The following NEDD9 variants were observed in gnomAD, a reference collection of about 807,000 sequenced individuals.
The protein encoded by NEDD9 is neural precursor cell expressed, developmentally down-regulated 9.
Under a neutral mutation model 76.6 loss-of-function variants are expected in NEDD9, and 26 were observed. The ratio of observed to expected loss-of-function variants is 0.34; its 90% CI spans 0.25 to 0.47. The LOEUF is 0.47. NEDD9 is among the 20% of genes least tolerant of loss of function. The pLI, the probability that NEDD9 is intolerant of heterozygous loss-of-function variation, is 1.00. For missense variants in NEDD9, 937 were observed against 1,058.5 expected (o/e 0.89, Z 1.59); for synonymous variants, 392 against 414.2 (o/e 0.95, Z 0.65).
intron 3 of NEDD9, among the ~76,000 whole-genome samples, chr6:11,295,051 C>T (rs565982128): frequency 7.9e-5 from 12 of 152,330 alleles, no homozygotes; most frequent in African/African-American, 2.2e-4. Context: ...TTGCCTTCTG[C>T]ATTGACTGTG....
intron 1 of NEDD9, among the ~76,000 whole-genome samples, chr6:11,348,429 A>G (rs1762403810): frequency 6.6e-6 from 1 of 152,252 alleles, no homozygotes; most frequent in Admixed American, 6.5e-5. Flanking sequence ...AGAAAAAACT[A>G]TTTAAAAATT....
intron 1 of NEDD9, among the ~76,000 whole-genome samples, chr6:11,363,962 T>C (rs965105185): frequency 6.6e-6 from 1 of 152,228 alleles, no homozygotes; most frequent in African/African-American, 2.4e-5. Context: ...ATAGCAGGTC[T>C]GAGACTGCTG....
chr6:11,295,458 C>G (rs571956803), intron 3 of NEDD9, among the ~76,000 whole-genome samples: 14 of 152,296 alleles, frequency 9.2e-5, no homozygotes, highest in African/African-American at 3.4e-4. Flanking sequence ...ACACTGGGGT[C>G]CATGACCTGA....
chr6:11,220,524 G>T (rs1561794282), intron 1 of NEDD9, among the ~76,000 whole-genome samples: 1 of 152,178 alleles, frequency 6.6e-6, no homozygotes, highest in East Asian at 1.9e-4. Context: ...ATGTGCTGTG[G>T]GGCAGCGCCC....
At chr6:11,380,445 C>T (rs1481668865) in intron 1 of NEDD9, among the ~76,000 whole-genome samples, 1 of 152,254 alleles carries the variant, frequency 6.6e-6, no homozygotes, top group Non-Finnish European at 1.5e-5. Context: ...GGAATATTTA[C>T]AGCCTTTGAG....
intron 3 of NEDD9, among the ~76,000 whole-genome samples, chr6:11,246,619 T>G (rs1024689829): frequency 4.6e-5 from 7 of 152,174 alleles, no homozygotes; most frequent in African/African-American, 7.2e-5. Flanking sequence ...TGTGGACTGA[T>G]TTTGCTCCTG....
intron 2 of NEDD9, among the ~76,000 whole-genome samples, chr6:11,325,771 G>A (rs1401302806): frequency 6.6e-6 from 1 of 152,150 alleles, no homozygotes; most frequent in Non-Finnish European, 1.5e-5. Flanking sequence ...ACCTTTTAAT[G>A]AAACAGTAAA....
intron 6 of NEDD9, among the ~76,000 whole-genome samples, chr6:11,186,048 G>A (rs1344602825): frequency 6.6e-6 from 1 of 152,084 alleles, no homozygotes; most frequent in East Asian, 1.9e-4. Flanking sequence ...TTAATGTTGA[G>A]GGGTGGCAAG....
intron 2 of NEDD9, among the ~76,000 whole-genome samples, chr6:11,319,483 C>A (rs901890810): frequency 4.6e-5 from 7 of 150,772 alleles, no homozygotes; most frequent in African/African-American, 1.7e-4. Context: ...CACTAACAAG[C>A]AAATAATCAC....
intron 2 of NEDD9, among the ~76,000 whole-genome samples, chr6:11,333,572 G>C (rs908477211): frequency 6.6e-6 from 1 of 152,230 alleles, no homozygotes; most frequent in Non-Finnish European, 1.5e-5. Flanking sequence ...AAAGCCATCA[G>C]GCAAGCGGCA....
chr6:11,355,226 A>C (rs534221560), intron 1 of NEDD9, among the ~76,000 whole-genome samples: 3 of 152,228 alleles, frequency 2.0e-5, no homozygotes, highest in Admixed American at 6.5e-5. Context: ...CAAGTATTTC[A>C]AAACACATAA....
chr6:11,238,990 A>C (rs6457161), intron 3 of NEDD9, among the ~76,000 whole-genome samples: 80,596 of 151,766 alleles, frequency 0.53, 21,559 homozygotes, highest in East Asian at 0.67. Flanking sequence ...CAAGACTCCA[A>C]CTCTACAGAA....
chr6:11,190,629 G>T lies in NEDD9; in HGVS notation c.1240C>A (p.Gln414Lys). Residue 414 changes from glutamine (Q) to lysine (K), a missense_variant, in exon 5 of 7, where the codon CAG (glutamine) becomes AAG (lysine). Gln to Lys is a moderately conservative substitution (Grantham distance 53). Coordinates refer to ENST00000379446, the MANE Select transcript of NEDD9 (RefSeq NM_006403.4). The surrounding 1 kb of genome is among the most constrained non-coding windows in gnomAD (Gnocchi z 5.8). ...ATCTCAAGGGCCTGCTGGAGCCGCTGAAGTCTCTCAATAGCTGTGTCTGGA... is the reference window on the plus strand; with the variant it reads ...ATCTCAAGGGCCTGCTGGAGCCGCTTAAGTCTCTCAATAGCTGTGTCTGGA... Reference protein sequence around the residue: ...LDPDTAIERLQRLQQALEMGV... With the variant: ...LDPDTAIERLKRLQQALEMGV... 1.2e-6 allele frequency: 2 copies of T among 1,614,186 alleles called. No homozygotes were observed. The highest frequency in any genetic ancestry group is 1.7e-6 in the Non-Finnish European group (2 of 1,180,032).
chr6:11,346,480 C>CA (rs894028329), intron 1 of NEDD9, among the ~76,000 whole-genome samples: 7 of 150,912 alleles, frequency 4.6e-5, no homozygotes, highest in Non-Finnish European at 1.0e-4. Context: ...CTCGGAGGCC[C>CA]CCCCCCCCGA....
rs145781990 is a variant in NEDD9, at chr6:11,283,179, C to T, written c.12+22813G>A. Among the ~76,000 whole-genome samples the T allele has an allele frequency of 3.2e-3, 488 of 152,212 alleles. 12 individuals are homozygous for T. In the East Asian group the frequency reaches 0.052, roughly 16 times the overall value. On this transcript the variant is annotated intron_variant, in intron 3 of 3. Coordinates refer to the NEDD9 transcript ENST00000397378. ...GCCTCAGAAAGAACATCCTTAAATACTCTATCTAAACTAGCATTCCTGGCA... is the reference window on the plus strand; with the variant it reads ...GCCTCAGAAAGAACATCCTTAAATATTCTATCTAAACTAGCATTCCTGGCA...
At chr6:11,187,768 A>T (rs1758015339) in intron 6 of NEDD9, among the ~76,000 whole-genome samples, 1 of 152,158 alleles carries the variant, frequency 6.6e-6, no homozygotes, top group Non-Finnish European at 1.5e-5. Flanking sequence ...AATAGGTGAG[A>T]GTGAAGTAGA....
intron 1 of NEDD9, among the ~76,000 whole-genome samples, chr6:11,358,091 A>G (rs534236330): frequency 1.6e-4 from 25 of 152,180 alleles, no homozygotes; most frequent in African/African-American, 5.8e-4. Context: ...CTACTAAAAT[A>G]CAAAAAATTA....
intron 3 of NEDD9, among the ~76,000 whole-genome samples, chr6:11,254,640 C>T (rs1759970046): frequency 6.6e-6 from 1 of 152,208 alleles, no homozygotes; most frequent in African/African-American, 2.4e-5. Flanking sequence ...GACCATCTTA[C>T]ATGCAGAGAA....
intron 6 of NEDD9, among the ~76,000 whole-genome samples, chr6:11,187,838 C>A (rs9468564): frequency 0.023 from 3,572 of 152,226 alleles, 141 homozygotes; most frequent in African/African-American, 0.082. Flanking sequence ...TCTAGTTCTC[C>A]CCAGACCTGG....
Sources: allele counts gnomAD v4.1 joint callset (sites outside exome capture counted in the v4.1 genomes callset), GRCh38; gene constraint gnomAD v4.1.1; non-coding constraint Gnocchi (gnomAD v3.1); transcripts MANE v1.5; gene names NCBI Gene and HGNC (gene_info 2026-07-23, HGNC 2026-07-21).